Variants in PI4KA observed in about 807,000 individuals in gnomAD.
PI4KA encodes the protein phosphatidylinositol 4-kinase alpha.
In PI4KA, 122 loss-of-function variants were observed where a neutral mutation model predicts 271.4. The observed-to-expected ratio is 0.45, with a 90% CI of 0.39 to 0.52. The LOEUF is 0.52. PI4KA is among the 20% of genes least tolerant of loss of function. The probability of loss-of-function intolerance (pLI) is 0.00; values close to 1 mark genes in which losing one functional copy is unlikely to be tolerated. For missense variants in PI4KA, 1,969 were observed against 2,769.1 expected, an observed-to-expected ratio of 0.71 and a Z score of 6.48; for synonymous variants, 1,041 against 1,078.8, an observed-to-expected ratio of 0.96 and a Z score of 0.69.
chr22:20,727,242 C>A lies in PI4KA; in HGVS notation c.4929G>T (p.Arg1643=). The A allele has an allele frequency of 1.9e-6, 3 of 1,612,656 alleles. 1 individual carries two copies. In the South Asian group the frequency reaches 3.3e-5, roughly 18 times the overall value. The change falls in exon 41 of 55, where the codon CGG becomes CGT. Residue 1643 remains arginine, a synonymous_variant. Transcript: ENST00000255882. ...GCCCTGGGCTCACCGGAGGGAAGGACCGCAGGACTTTCACCCCGTACTGCG... is the reference window on the plus strand; with the variant it reads ...GCCCTGGGCTCACCGGAGGGAAGGAACGCAGGACTTTCACCCCGTACTGCG... The part of the protein sequence containing the change: ...LTAQYGVKVL[R]SFPPDAILFY...
In PI4KA at chr22:20,712,774, G is replaced by A. The variant is rs565710495; in HGVS notation, c.5595C>T (p.Ile1865=). The part of the protein sequence containing the change: ...CRQDMLALQI[I]DLFKNIFQLV... Reference sequence around the variant, plus strand: ...GCTGGAAGATGTTCTTGAAGAGGTCGATGATCTGCAGGGCCAGCATGTCCT... The same window carrying A: ...GCTGGAAGATGTTCTTGAAGAGGTCAATGATCTGCAGGGCCAGCATGTCCT... Residue 1865 remains isoleucine, a synonymous_variant, in exon 49 of 55, where the codon ATC becomes ATT. Transcript: ENST00000255882. 8.1e-4 allele frequency: 1,248 copies of A among 1,550,044 alleles called. 6 individuals carry two copies. The African/African-American group carries it at 0.015, about 19-fold the overall frequency.
intron 19 of PI4KA, among the ~76,000 whole-genome samples, chr22:20,787,918 G>A (rs190160446): frequency 6.6e-6 from 1 of 152,262 alleles, no homozygotes; most frequent in Admixed American, 6.5e-5. Flanking sequence ...AGAACTGTGG[G>A]GTGCTAAGTG....
At chr22:20,858,485 C>T (rs1217016595) in intron 1 of PI4KA, 85 bp downstream of exon 1, 7 of 1,031,584 alleles carry the variant, frequency 6.8e-6, no homozygotes, top group African/African-American at 1.7e-5. Flanking sequence ...CAGCCTCGGC[C>T]TCCCACAGAC....
At chr22:20,804,846 G>A (rs1601536226) in intron 11 of PI4KA, 128 bp downstream of exon 11, 2 of 737,274 alleles carry the variant, frequency 2.7e-6, no homozygotes, top group Admixed American at 2.2e-5. Flanking sequence ...GTGCCCAGGA[G>A]GCCTACTGCA....
Position 20,733,777 on chromosome 22 carries a change from C to T in PI4KA, c.4119G>A (p.Val1373=), listed in dbSNP as rs769286742. 1 of 1,613,306 alleles carries T rather than the reference C, an allele frequency of 6.2e-7. No homozygotes were observed. The highest frequency in any genetic ancestry group is 8.5e-7 in the Non-Finnish European group (1 of 1,179,834). The stretch of plus-strand genomic sequence containing the variant: ...CAGTGGAGTAGATCTTCTCGCGAAG[C>T]ACATTGCGGATGGTTGCATTTGGAA... ...DVVPNATIRN[V]LREKIYSTAF... is the part of the protein sequence containing the mutation. Residue 1373 remains valine (V), a synonymous_variant, in exon 35 of 55, where the codon GTG becomes GTA. Transcript: ENST00000255882.
At chr22:20,852,374 G>A (rs178063) in intron 1 of PI4KA, among the ~76,000 whole-genome samples, 74,063 of 151,912 alleles carry the variant, frequency 0.49, 18,571 homozygotes, top group African/African-American at 0.59. Flanking sequence ...GGAAGGCTAC[G>A]TGAAGGCAGA....
chr22:20,839,762 G>A (rs939934139), intron 1 of PI4KA, among the ~76,000 whole-genome samples: 8 of 152,066 alleles, frequency 5.3e-5, no homozygotes, highest in Admixed American at 1.3e-4. Context: ...CCCGGAAGGC[G>A]GAGGTTGCAG....
intron 25 of PI4KA, among the ~76,000 whole-genome samples, chr22:20,752,009 G>A (rs1028708108): frequency 1.3e-5 from 2 of 152,190 alleles, no homozygotes; most frequent in Non-Finnish European, 2.9e-5. Flanking sequence ...GACACCAACT[G>A]CCTTGGTTAT....
chr22:20,833,663 T>G (rs178055), intron 3 of PI4KA, among the ~76,000 whole-genome samples: 49,304 of 139,426 alleles, frequency 0.35, 7,846 homozygotes, highest in African/African-American at 0.45. Context: ...TTTTGTTTTT[T>G]TTTTTTTTTT....
intron 1 of PI4KA, among the ~76,000 whole-genome samples, chr22:20,847,029 T>C (rs1036405834): frequency 2.0e-5 from 3 of 150,434 alleles, no homozygotes. Context: ...GCGCCTGTAA[T>C]CCCAGCCACT....
At chr22:20,723,078 G>T (rs766847127) in intron 42 of PI4KA, among the ~76,000 whole-genome samples, 10 of 151,028 alleles carry the variant, frequency 6.6e-5, no homozygotes, top group African/African-American at 2.4e-4. Flanking sequence ...TCCCAGGCTG[G>T]AGTGCAATCT....
Position 20,729,958 on chromosome 22 carries a change from C to A in PI4KA, c.4342G>T (p.Ala1448Ser). Reference sequence around the variant, plus strand: ...TATGTGTTGATCCAGCCTTGGGTGGCTTGTTGCCGAGAGCCGACAGTTATG... The same window carrying A: ...TATGTGTTGATCCAGCCTTGGGTGGATTGTTGCCGAGAGCCGACAGTTATG... Reference protein sequence around the residue: ...LDITVGSRQQATQGWINTYPL... With the variant: ...LDITVGSRQQSTQGWINTYPL... Residue 1448 changes from alanine to serine, a missense_variant, in exon 37 of 55, where the codon GCC becomes TCC. By Grantham distance (99) the Ala-to-Ser change is moderately conservative. Around this residue, in one of 13 missense-constraint regions of PI4KA, gnomAD observed 23 missense variants for 23.2 expected, o/e 0.99. Coordinates refer to ENST00000255882, the MANE Select transcript of PI4KA (RefSeq NM_058004.4). The A allele has an allele frequency of 6.2e-7, 1 of 1,614,118 alleles. No individual in the cohort carries two copies. The highest frequency in any genetic ancestry group is 8.5e-7 in the Non-Finnish European group (1 of 1,180,012).
chr22:20,835,976 C>G (rs945362843), intron 2 of PI4KA, among the ~76,000 whole-genome samples: 4 of 151,768 alleles, frequency 2.6e-5, no homozygotes, highest in Non-Finnish European at 5.9e-5. Flanking sequence ...TAAGTAAACC[C>G]AGGAGGCGGA....
At chr22:20,710,044 G>A (rs1265503665) in intron 52 of PI4KA, 47 bp from the exon 53 acceptor site, 1 of 1,188,298 alleles carries the variant, frequency 8.4e-7, no homozygotes, top group African/African-American at 1.5e-5. Flanking sequence ...AGCCTAGGTG[G>A]TGGCCCTGCC....
At chr22:20,712,086 C>G (rs1236816558) in intron 50 of PI4KA, among the ~76,000 whole-genome samples, 2 of 137,444 alleles carry the variant, frequency 1.5e-5, no homozygotes, top group African/African-American at 5.5e-5. Context: ...GAGATGGAGT[C>G]TCACTCTGTT....
chr22:20,765,738 G>A (rs1222478917), intron 19 of PI4KA, 45 bp from the exon 20 acceptor site: 1 of 1,271,498 alleles, frequency 7.9e-7, no homozygotes, highest in South Asian at 1.2e-5. Context: ...ATTTGCTGAG[G>A]AAACCCTAAG....
At chr22:20,815,400 A>C (rs1461372547) in intron 7 of PI4KA, among the ~76,000 whole-genome samples, 1 of 145,800 alleles carries the variant, frequency 6.9e-6, no homozygotes, top group African/African-American at 2.5e-5. Context: ...AAAAAAAAAA[A>C]CAAATCAAAA....
At position 20,805,297 on chromosome 22, in the gene PI4KA, G is replaced by A. The variant is rs1210552935; in HGVS notation, c.1169-132C>T. 12 of 627,200 alleles carry A rather than the reference G, an allele frequency of 1.9e-5. No homozygotes were observed. The Admixed American group carries it at 3.2e-4, about 17-fold the overall frequency. 38.9% of individuals were successfully genotyped at this position (627,200 alleles called of 1,614,324 possible). A position where few individuals can be genotyped will look rare whatever the true frequency, so the allele number is the denominator to read the frequency against. ...GTAGCATTTGCTACTGGCCACTGTG[G>A]GTCCTAGAATGCCCACTGGAAAGAA... On this transcript the variant is annotated intron_variant, in intron 10 of 54. Transcript: ENST00000255882.
chr22:20,744,973 G>T (rs924491516), intron 29 of PI4KA, among the ~76,000 whole-genome samples: 3 of 152,110 alleles, frequency 2.0e-5, no homozygotes, highest in Non-Finnish European at 4.4e-5. Context: ...GCCTTTGCAA[G>T]AAAAAGAATC....
Sources: gnomAD v4.1 joint callset for allele counts (sites outside exome capture counted in the v4.1 genomes callset) on GRCh38, gnomAD v4.1.1 for gene constraint, gnomAD v4.1.1 regional missense constraint, MANE v1.5 for transcripts, NCBI Gene and HGNC (gene_info 2026-07-23, HGNC 2026-07-21) for gene names.